Variants in ZMYM4 observed in about 807,000 individuals in gnomAD.
ZMYM4 encodes zinc finger MYM-type containing 4.
In ZMYM4, 31 loss-of-function variants were observed where a neutral mutation model predicts 183.2. That is an observed-to-expected ratio of 0.17 (90% CI 0.13 to 0.23). The LOEUF (loss-of-function observed/expected upper bound fraction) is 0.23. Ranked by LOEUF, ZMYM4 falls within the 10% of genes least tolerant of loss-of-function variation. ZMYM4 has a pLI of 1.00. For synonymous variants in ZMYM4, 592 were observed against 631.2 expected (o/e 0.94, Z 0.93); for missense variants, 1,273 against 1,840.3 (o/e 0.69, Z 5.64).
chr1:35,282,531 T>C (rs1041945908), intron 1 of ZMYM4, among the ~76,000 whole-genome samples: 8 of 152,208 alleles, frequency 5.3e-5, no homozygotes, highest in African/African-American at 1.9e-4. Flanking sequence ...CTGGGTTATA[T>C]AGGAATTCTG....
At chr1:35,287,894 A>G (rs1045654088) in intron 1 of ZMYM4, among the ~76,000 whole-genome samples, 14 of 151,378 alleles carry the variant, frequency 9.2e-5, no homozygotes, top group African/African-American at 3.4e-4. Context: ...GTGAGCCCCC[A>G]CTCCCGGCCT....
At chr1:35,328,454 A>ATTTTTTTTTTT (rs754078160) in intron 2 of ZMYM4, among the ~76,000 whole-genome samples, 2 of 117,086 alleles carry the variant, frequency 1.7e-5, no homozygotes, top group Non-Finnish European at 3.5e-5. Flanking sequence ...TAATTTTTTA[A>ATTTTTTTTTTT]TTTTTTTTTT....
chr1:35,268,753 T>G lies in ZMYM4; in HGVS notation c.-294T>G, dbSNP rs1451899336. Among the ~76,000 whole-genome samples, 2 of 152,200 alleles carry G rather than the reference T, an allele frequency of 1.3e-5. No individual in the cohort carries two copies. Among genetic ancestry groups the G allele is most frequent in the Admixed American group, 6.5e-5 (1 of 15,290 alleles). Reference sequence around the variant, plus strand: ...GAAACCGCAGGCGGAGGAATTTCTCTGAGAGAAAATAATCCTACTCACGGG... The same window carrying G: ...GAAACCGCAGGCGGAGGAATTTCTCGGAGAGAAAATAATCCTACTCACGGG... On this transcript the variant is annotated 5_prime_UTR_variant, in exon 1 of 30. Coordinates refer to ENST00000314607, the MANE Select transcript of ZMYM4 (RefSeq NM_005095.3).
intron 1 of ZMYM4, among the ~76,000 whole-genome samples, chr1:35,271,124 A>C (rs953315582): frequency 6.6e-6 from 1 of 152,228 alleles, no homozygotes; most frequent in African/African-American, 2.4e-5. Flanking sequence ...TAGTCCACCA[A>C]TGAAAATATA....
chr1:35,369,141 C>G (rs1201700098), intron 5 of ZMYM4, among the ~76,000 whole-genome samples: 1 of 151,990 alleles, frequency 6.6e-6, no homozygotes, highest in Non-Finnish European at 1.5e-5. Flanking sequence ...CTGAGATACT[C>G]CAGAATTCCA....
chr1:35,296,843 C>CTTTCTTTTTTTTTTTT (rs1553163901), intron 1 of ZMYM4, among the ~76,000 whole-genome samples: 6 of 95,626 alleles, frequency 6.3e-5, no homozygotes, highest in African/African-American at 2.0e-4. Context: ...TTCTTTCTTT[C>CTTTCTTTTTTTTTTTT]TTTTTTTTTT....
At position 35,387,612 on chromosome 1, in the gene ZMYM4, C is replaced by G. The variant is rs1558145066; in HGVS notation, c.2263+8C>G. 2 of 1,598,580 alleles carry G rather than the reference C, an allele frequency of 1.3e-6. No individual in the cohort carries two copies. Among genetic ancestry groups the G allele is most frequent in the Non-Finnish European group, 8.5e-7 (1 of 1,175,568 alleles). On this transcript the variant is annotated splice_region_variant and intron_variant, in intron 13 of 29. Coordinates refer to ENST00000314607, the MANE Select transcript of ZMYM4 (RefSeq NM_005095.3). ...AGTCATTCTGTAGTGAAGGTAAAGACAGAAGATTATCTTACCTACTGAGCA... is the reference window on the plus strand; with the variant it reads ...AGTCATTCTGTAGTGAAGGTAAAGAGAGAAGATTATCTTACCTACTGAGCA...
chr1:35,274,589 G>A (rs914068034), intron 1 of ZMYM4, among the ~76,000 whole-genome samples: 12 of 142,880 alleles, frequency 8.4e-5, no homozygotes, highest in Admixed American at 5.9e-4. Context: ...CTGGGTGACA[G>A]AGCAAGAGAG....
intron 15 of ZMYM4, 137 bp downstream of exon 15, chr1:35,390,235 C>T: frequency 2.0e-6 from 2 of 1,011,132 alleles, no homozygotes; most frequent in African/African-American, 1.6e-5. Context: ...GTATCAATAA[C>T]ATTTAGCTTT....
chr1:35,333,224 A>G (rs1642830306), intron 2 of ZMYM4, among the ~76,000 whole-genome samples: 1 of 151,702 alleles, frequency 6.6e-6, no homozygotes, highest in African/African-American at 2.4e-5. Flanking sequence ...AGTAATACAT[A>G]TATGTAAATT....
At chr1:35,297,111 A>G (rs543772695) in intron 1 of ZMYM4, among the ~76,000 whole-genome samples, 2 of 151,586 alleles carry the variant, frequency 1.3e-5, no homozygotes, top group South Asian at 2.1e-4. Context: ...TGGCCTTCCA[A>G]AGTGCTGGGA....
intron 1 of ZMYM4, among the ~76,000 whole-genome samples, chr1:35,273,552 A>G (rs1241230316): frequency 6.6e-6 from 1 of 152,220 alleles, no homozygotes; most frequent in Non-Finnish European, 1.5e-5. Context: ...TACCCGGTCT[A>G]GTAAATTGTA....
intron 9 of ZMYM4, among the ~76,000 whole-genome samples, chr1:35,383,053 AG>A (rs1644500248): frequency 1.3e-5 from 2 of 152,208 alleles, no homozygotes; most frequent in South Asian, 4.1e-4. Context: ...TGAAATAGGA[AG>A]AAATAGATGT....
At chr1:35,346,313 G>A (rs191472342) in intron 2 of ZMYM4, among the ~76,000 whole-genome samples, 16 of 152,236 alleles carry the variant, frequency 1.1e-4, no homozygotes, top group Admixed American at 3.9e-4. Context: ...TTTAACTAGT[G>A]CCTAACTTAC....
At chr1:35,388,716 T>G (rs1268445791) in intron 13 of ZMYM4, among the ~76,000 whole-genome samples, 194 bp from the exon 14 acceptor site, 1 of 152,068 alleles carries the variant, frequency 6.6e-6, no homozygotes, top group Non-Finnish European at 1.5e-5. Flanking sequence ...GTTTTTGTTT[T>G]TATTTGACAT....
intron 1 of ZMYM4, among the ~76,000 whole-genome samples, chr1:35,274,764 C>T (rs1400002632): frequency 6.6e-6 from 1 of 151,992 alleles, no homozygotes; most frequent in Non-Finnish European, 1.5e-5. Context: ...AAGTGCCAGT[C>T]ATTTTTCTAA....
rs773107727 is a variant in ZMYM4 at position 35,418,503 on chromosome 1, A to C, written c.4370A>C (p.Glu1457Ala). ...GATGATGAGGTTCCAGTGGGGGTGG[A>C]GATGGCAGAGAATACTGACAATCCA... ...NEDDEVPVGV[E>A]MAENTDNPLR... Residue 1457 changes from glutamate to alanine, a missense_variant, in exon 29 of 30, where the codon GAG (glutamate) becomes GCG (alanine). Around this residue, in one of 6 missense-constraint regions of ZMYM4, gnomAD observed 145 missense variants for 331.6 expected, o/e 0.44. Transcript: ENST00000314607. The C allele has an allele frequency of 7.4e-6, 12 of 1,614,016 alleles. No homozygotes were observed. The highest frequency in any genetic ancestry group is 1.0e-5 in the Non-Finnish European group (12 of 1,180,004).
chr1:35,359,543 C>T (rs985667327), intron 3 of ZMYM4, 97 bp downstream of exon 3: 40 of 1,168,842 alleles, frequency 3.4e-5, no homozygotes, highest in East Asian at 1.1e-4. Flanking sequence ...GAAGTATGAA[C>T]GGTTAAATTC....
intron 1 of ZMYM4, among the ~76,000 whole-genome samples, chr1:35,275,296 C>T (rs1639814440): frequency 6.6e-6 from 1 of 151,824 alleles, no homozygotes; most frequent in South Asian, 2.1e-4. Flanking sequence ...GGCTGGAGTA[C>T]AGTGGTGCCA....
Sources: allele counts gnomAD v4.1 joint callset (sites outside exome capture counted in the v4.1 genomes callset), GRCh38; gene constraint gnomAD v4.1.1; regional missense constraint gnomAD v4.1.1; transcripts MANE v1.5; gene names NCBI Gene and HGNC (gene_info 2026-07-23, HGNC 2026-07-21).